The following DGKD variants were observed in gnomAD, a reference collection of about 807,000 sequenced individuals.
DGKD encodes diacylglycerol kinase delta, also known as DAG kinase delta.
A neutral mutation model predicts 154.4 loss-of-function variants in DGKD; 68 were observed. The observed-to-expected ratio is 0.44, with a 90% CI of 0.36 to 0.54. DGKD has a LOEUF of 0.54. Ranked by LOEUF, DGKD falls within the 20% of genes least tolerant of loss-of-function variation. The pLI, the probability that DGKD is intolerant of heterozygous loss-of-function variation, is 0.00. For synonymous variants in DGKD, 693 were observed against 638.0 expected (o/e 1.09, Z -1.30); for missense variants, 1,343 against 1,593.6 (o/e 0.84, Z 2.68).
intron 3 of DGKD, among the ~76,000 whole-genome samples, chr2:233,429,478 T>C (rs1361773897): frequency 6.6e-6 from 1 of 152,114 alleles, no homozygotes; most frequent in Non-Finnish European, 1.5e-5. Flanking sequence ...TGACCGTCCC[T>C]CAGTGGCTGT....
chr2:233,396,208 G>C (rs1559500334), intron 3 of DGKD, among the ~76,000 whole-genome samples: 1 of 152,198 alleles, frequency 6.6e-6, no homozygotes, highest in Non-Finnish European at 1.5e-5. Flanking sequence ...TCTCTCTTGT[G>C]CAATGCGGGT....
intron 3 of DGKD, chr2:233,409,114 T>G (rs2061758714): frequency 6.6e-6 from 1 of 152,234 alleles, no homozygotes; most frequent in Admixed American, 6.5e-5. Context: ...AAGACGCAGT[T>G]ACTCGTCTGG....
intron 10 of DGKD, among the ~76,000 whole-genome samples, chr2:233,444,255 C>T (rs570733546): frequency 6.6e-6 from 1 of 152,106 alleles, no homozygotes; most frequent in Non-Finnish European, 1.5e-5. Context: ...GTTCTTGGTT[C>T]GTCCGTCTCT....
At chr2:233,432,685 A>G (rs2062570408) in intron 3 of DGKD, among the ~76,000 whole-genome samples, 1 of 152,080 alleles carries the variant, frequency 6.6e-6, no homozygotes, top group African/African-American at 2.4e-5. Flanking sequence ...ACAAAACAAA[A>G]ATTGAAAACT....
chr2:233,465,646 A>G (rs1216118696), intron 27 of DGKD, among the ~76,000 whole-genome samples: 1 of 152,208 alleles, frequency 6.6e-6, no homozygotes, highest in African/African-American at 2.4e-5. Context: ...GAAAAGATTT[A>G]TATCTTCCAA....
chr2:233,466,999 T>A, intron 27 of DGKD, 87 bp from the exon 28 acceptor site: 2 of 1,069,210 alleles, frequency 1.9e-6, no homozygotes, highest in Non-Finnish European at 2.9e-6. Flanking sequence ...CAGCCCTGCC[T>A]GCCCTCCCAG....
intron 3 of DGKD, among the ~76,000 whole-genome samples, chr2:233,414,403 C>T (rs1470832564): frequency 6.6e-6 from 1 of 152,194 alleles, no homozygotes; most frequent in East Asian, 1.9e-4. Context: ...CGCTCATGGA[C>T]CTGTAGTCTC....
chr2:233,463,994 G>A, intron 26 of DGKD, 170 bp from the exon 27 acceptor site: 1 of 810,866 alleles, frequency 1.2e-6, no homozygotes. Context: ...CTTAGAAAGT[G>A]AGGTTCTGGG....
Position 233,459,371 on chromosome 2 carries a change from G to GGAT in DGKD, c.2695-384_2695-382dup, listed in dbSNP as rs2124925288. Reference sequence around the variant, plus strand: ...TGAAAAGGAGGAACGGGATGATGATGGATGGCTCATCGTCATCCACTGTGC... The same window carrying GGAT: ...TGAAAAGGAGGAACGGGATGATGATGGATGATGGCTCATCGTCATCCACTGTGC... On this transcript the variant is annotated intron_variant, in intron 22 of 29. Coordinates refer to ENST00000264057, the MANE Select transcript of DGKD (RefSeq NM_152879.3). This position sits in a 1 kb window ranked among gnomAD's most constrained non-coding sequence, Gnocchi z 5.7. Among the ~76,000 whole-genome samples, 1 of 152,314 alleles carries GGAT rather than the reference G, an allele frequency of 6.6e-6. No individual in the cohort carries two copies. The highest frequency in any genetic ancestry group is 1.9e-4 in the East Asian group (1 of 5,172).
chr2:233,462,518 T>C, intron 25 of DGKD, 59 bp downstream of exon 25: 1 of 1,539,258 alleles, frequency 6.5e-7, no homozygotes, highest in African/African-American at 1.4e-5. Flanking sequence ...CCCTCGGCCC[T>C]CCCCGTGCGT....
At position 233,440,451 on chromosome 2, in the gene DGKD, C is replaced by T. The variant is rs1160771481; in HGVS notation, c.1086-1436C>T. 6.6e-6 allele frequency among the ~76,000 whole-genome samples: 1 copy of T among 152,152 alleles called. No homozygotes were observed. Among genetic ancestry groups the T allele is most frequent in the Non-Finnish European group, 1.5e-5 (1 of 68,028 alleles). On this transcript the variant is annotated intron_variant, in intron 9 of 29. Transcript: ENST00000264057. The surrounding 1 kb of genome is among the most constrained non-coding windows in gnomAD (Gnocchi z 4.9). ...AATGGGTAGGAGCACACGCAGGGTC[C>T]CCCGGCACTTCAGTGGGGGTGACAC...
intron 3 of DGKD, among the ~76,000 whole-genome samples, chr2:233,415,304 G>A (rs957477119): frequency 2.6e-5 from 4 of 152,214 alleles, no homozygotes; most frequent in African/African-American, 7.2e-5. Context: ...AGTAGGGTAC[G>A]TTAGGGTAGG....
Position 233,401,626 on chromosome 2 carries a change from C to T in DGKD, c.348+11143C>T, listed in dbSNP as rs988790114. On this transcript the variant is annotated intron_variant, in intron 3 of 29. Transcript: ENST00000264057. Reference sequence around the variant, plus strand: ...GTCATATTCTGCCCATTGTTAAAAGCGCTGTGAACTAAGGCTGGGCATGGT... The same window carrying T: ...GTCATATTCTGCCCATTGTTAAAAGTGCTGTGAACTAAGGCTGGGCATGGT... 6.6e-5 allele frequency among the ~76,000 whole-genome samples: 10 copies of T among 151,976 alleles called. No homozygotes were observed. In the South Asian group the frequency reaches 8.3e-4, roughly 13 times the overall value.
intron 1 of DGKD, chr2:233,386,246 C>T (rs905149088): frequency 9.4e-6 from 3 of 318,294 alleles, no homozygotes; most frequent in African/African-American, 2.2e-5. Flanking sequence ...CCAGGAGAGA[C>T]GTCTTCACAG....
chr2:233,366,975 A>G (rs1702059318), intron 1 of DGKD, among the ~76,000 whole-genome samples: 1 of 152,156 alleles, frequency 6.6e-6, no homozygotes, highest in Admixed American at 6.5e-5. Context: ...TAACAATACC[A>G]TTATACCTGA....
intron 18 of DGKD, 24 bp from the exon 19 acceptor site, chr2:233,454,739 T>C (rs746746686): frequency 6.1e-5 from 88 of 1,432,990 alleles, no homozygotes; most frequent in South Asian, 1.3e-4. Flanking sequence ...GCTGTTGTAA[T>C]TGATTTAAAA....
At position 233,449,004 on chromosome 2, in the gene DGKD, C is replaced by T. The variant is rs894732105; in HGVS notation, c.1615-99C>T. ...GGAGAGTTAGGATTTTCCTTTTGAT[C>T]GAGTTCTAGGAAGTCTGGGTGAAAT... On this transcript the variant is annotated intron_variant, in intron 14 of 29. Coordinates refer to ENST00000264057, the MANE Select transcript of DGKD (RefSeq NM_152879.3). The surrounding 1 kb of genome is among the most constrained non-coding windows in gnomAD (Gnocchi z 5.3). 2.2e-5 allele frequency: 31 copies of T among 1,416,330 alleles called. No individual in the cohort carries two copies. Among genetic ancestry groups the T allele is most frequent in the African/African-American group, 2.0e-4 (14 of 69,906 alleles). 87.7% of individuals were successfully genotyped at this position (1,416,330 alleles called of 1,614,324 possible).
chr2:233,397,487 C>CAGAGGCCAGAGTGAGAGGACACCAGA (rs2061441330), intron 3 of DGKD, among the ~76,000 whole-genome samples: 3 of 73,810 alleles, frequency 4.1e-5, no homozygotes, highest in Admixed American at 2.0e-4. Context: ...GGGTGGCTGG[C>CAGAGGCCAGAGTGAGAGGACACCAGA]GGGGGGCCAG....
At chr2:233,408,106 G>A (rs1009495702) in intron 3 of DGKD, among the ~76,000 whole-genome samples, 4 of 147,926 alleles carry the variant, frequency 2.7e-5, no homozygotes, top group Admixed American at 6.8e-5. Flanking sequence ...GCCGTGCTGC[G>A]CTCTCAGCTC....
Sources: allele counts gnomAD v4.1 joint callset (sites outside exome capture counted in the v4.1 genomes callset), GRCh38; gene constraint gnomAD v4.1.1; non-coding constraint Gnocchi (gnomAD v3.1); transcripts MANE v1.5; gene names NCBI Gene and HGNC (gene_info 2026-07-23, HGNC 2026-07-21).